CA10: variants seen among roughly 807,000 people sequenced by gnomAD.
CA10 encodes the protein carbonic anhydrase-related protein 10.
In CA10, 14 loss-of-function variants were observed where a neutral mutation model predicts 44.2. The observed-to-expected ratio is 0.32, with a 90% CI of 0.21 to 0.50. The LOEUF is 0.50. Among genes scored for constraint, CA10 ranks in the 20% least tolerant of loss-of-function variants. CA10 has a pLI of 0.99. For missense variants in CA10, 350 were observed against 409.7 expected (o/e 0.85, Z 1.26); for synonymous variants, 159 against 141.6 (o/e 1.12, Z -0.87).
chr17:51,819,968 CTGTCTG>C (rs1168846197), intron 3 of CA10, among the ~76,000 whole-genome samples: 1 of 152,018 alleles, frequency 6.6e-6, no homozygotes, highest in Non-Finnish European at 1.5e-5. Context: ...GTCTCTGTCT[CTGTCTG>C]TCCTTGTTTG....
intron 2 of CA10, among the ~76,000 whole-genome samples, chr17:51,979,137 G>C (rs1984563582): frequency 6.6e-6 from 1 of 151,978 alleles, no homozygotes; most frequent in Non-Finnish European, 1.5e-5. Flanking sequence ...TGCCTCTCCA[G>C]ATATAATTTC....
chr17:52,139,289 A>T (rs1989426333), intron 1 of CA10, among the ~76,000 whole-genome samples: 1 of 152,162 alleles, frequency 6.6e-6, no homozygotes, highest in African/African-American at 2.4e-5. Flanking sequence ...TATGGCCTTT[A>T]GTTGTTTACA....
At chr17:51,732,247 G>A (rs939741175) in intron 4 of CA10, among the ~76,000 whole-genome samples, 1 of 152,240 alleles carries the variant, frequency 6.6e-6, no homozygotes, top group Non-Finnish European at 1.5e-5. Context: ...TCACATGGCT[G>A]TGATGTGCCA....
At position 51,710,070 on chromosome 17, in the gene CA10, G is replaced by A. The variant is rs113528978; in HGVS notation, c.465+37563C>T. 1.6e-4 allele frequency among the ~76,000 whole-genome samples: 24 copies of A among 152,244 alleles called. 1 individual carries two copies. In the East Asian group the frequency reaches 3.9e-3, roughly 24 times the overall value. On this transcript the variant is annotated intron_variant, in intron 4 of 8. Transcript: ENST00000451037. Reference sequence around the variant, plus strand: ...ATTGTGTTAAAACTGCCAGTTTCTCGACAAACAGCACGGAGTGTACTTTCC... The same window carrying A: ...ATTGTGTTAAAACTGCCAGTTTCTCAACAAACAGCACGGAGTGTACTTTCC...
At chr17:51,989,676 T>C (rs1248957175) in intron 2 of CA10, among the ~76,000 whole-genome samples, 1 of 152,054 alleles carries the variant, frequency 6.6e-6, no homozygotes, top group Non-Finnish European at 1.5e-5. Context: ...TTGGAGGCCA[T>C]TATCCTTAGC....
At chr17:52,091,837 T>A (rs1199826264) in intron 1 of CA10, among the ~76,000 whole-genome samples, 4 of 152,178 alleles carry the variant, frequency 2.6e-5, no homozygotes, top group Non-Finnish European at 5.9e-5. Context: ...TAAGAGGACT[T>A]CCTAAGAGGG....
intron 3 of CA10, among the ~76,000 whole-genome samples, chr17:51,877,215 GAGT>G (rs1980120726): frequency 6.6e-6 from 1 of 152,182 alleles, no homozygotes; most frequent in Admixed American, 6.5e-5. Flanking sequence ...CAATGTTGCT[GAGT>G]AGAAATGACA....
upstream of CA10, among the ~76,000 whole-genome samples, chr17:52,158,900 C>T (rs1189327553): frequency 6.6e-6 from 1 of 152,066 alleles, no homozygotes; most frequent in Non-Finnish European, 1.5e-5. Flanking sequence ...GGCAGGAGGC[C>T]CGGGCGGGGA....
intron 6 of CA10, among the ~76,000 whole-genome samples, chr17:51,637,428 C>G (rs1461177403): frequency 6.6e-6 from 1 of 152,186 alleles, no homozygotes; most frequent in Non-Finnish European, 1.5e-5. Context: ...CCATGAGCAC[C>G]CATCACTGTG....
chr17:51,797,145 G>A (rs961732718), intron 3 of CA10, among the ~76,000 whole-genome samples: 18 of 152,156 alleles, frequency 1.2e-4, no homozygotes, highest in African/African-American at 4.3e-4. Flanking sequence ...AGAGAGGCAG[G>A]CAGCCTTGTC....
At chr17:51,723,459 A>T (rs1004921361) in intron 4 of CA10, among the ~76,000 whole-genome samples, 1 of 152,122 alleles carries the variant, frequency 6.6e-6, no homozygotes, top group Non-Finnish European at 1.5e-5. Context: ...GGTGCCTGGG[A>T]TTGGTGCCTG....
intron 2 of CA10, among the ~76,000 whole-genome samples, chr17:51,947,361 G>T (rs1459596091): frequency 1.3e-5 from 2 of 151,924 alleles, no homozygotes; most frequent in Admixed American, 6.6e-5. Flanking sequence ...TCCGACAAAG[G>T]TTCACATACC....
chr17:51,931,519 C>T (rs985631711), intron 2 of CA10, among the ~76,000 whole-genome samples: 7 of 152,074 alleles, frequency 4.6e-5, no homozygotes, highest in South Asian at 2.1e-4. Context: ...CTGGCAAGAA[C>T]GATGTGAAAA....
intron 4 of CA10, among the ~76,000 whole-genome samples, chr17:51,718,069 AGAG>A (rs1302159660): frequency 6.8e-6 from 1 of 148,116 alleles, no homozygotes; most frequent in Non-Finnish European, 1.5e-5. Context: ...CTTGGGGGGA[AGAG>A]GAGGAGGGGG....
intron 3 of CA10, among the ~76,000 whole-genome samples, chr17:51,823,994 A>G (rs920538009): frequency 6.6e-6 from 1 of 152,200 alleles, no homozygotes; most frequent in African/African-American, 2.4e-5. Context: ...AGCATTTACC[A>G]TAACTAGGCT....
intron 2 of CA10, among the ~76,000 whole-genome samples, chr17:52,044,235 A>C (rs1464316668): frequency 6.6e-6 from 1 of 151,946 alleles, no homozygotes; most frequent in Non-Finnish European, 1.5e-5. Context: ...CTCTTTTCTC[A>C]CTATTGGTCT....
chr17:51,976,035 G>A (rs1984451763), intron 2 of CA10, among the ~76,000 whole-genome samples: 1 of 152,040 alleles, frequency 6.6e-6, no homozygotes, highest in South Asian at 2.1e-4. Flanking sequence ...TTACAAATTA[G>A]ACTTCACCAA....
At chr17:51,648,038 A>C (rs1280876454) in intron 6 of CA10, among the ~76,000 whole-genome samples, 2 of 152,186 alleles carry the variant, frequency 1.3e-5, no homozygotes, top group African/African-American at 4.8e-5. Context: ...GGCCATCTTT[A>C]CATCCCTGGA....
At chr17:51,827,409 T>G (rs1908060769) in intron 3 of CA10, among the ~76,000 whole-genome samples, 1 of 151,958 alleles carries the variant, frequency 6.6e-6, no homozygotes, top group African/African-American at 2.4e-5. Context: ...TATTATAAAA[T>G]GTATCACTAA....
Sources: allele counts gnomAD v4.1 joint callset (sites outside exome capture counted in the v4.1 genomes callset), GRCh38; gene constraint gnomAD v4.1.1; transcripts MANE v1.5; gene names NCBI Gene and HGNC (gene_info 2026-07-23, HGNC 2026-07-21).